The following FOCAD variants were observed in gnomAD, a reference collection of about 807,000 sequenced individuals.
The protein encoded by FOCAD is KIAA1797.
Under a neutral mutation model 225.6 loss-of-function variants are expected in FOCAD, and 198 were observed. That is an observed-to-expected ratio of 0.88 (90% CI 0.78 to 0.99). The LOEUF is 0.99. Ranked by LOEUF, FOCAD falls within the 50% of genes least tolerant of loss-of-function variation. FOCAD has a pLI of 0.00. For missense variants in FOCAD, 2,713 were observed against 2,123.6 expected, an observed-to-expected ratio of 1.28 and a Z score of -5.46; for synonymous variants, 897 against 755.0, an observed-to-expected ratio of 1.19 and a Z score of -3.08.
rs748992849 is a variant in FOCAD, at chr9:20,821,043, G to A, written c.1765G>A (p.Ala589Thr). ...VQWEKLIAKA[A>T]SIRDICKQRP... ...ATGGGAGAAACTGATTGCAAAAGCA[G>A]CATCAATCAGAGATATATGTAAGCA... The change falls in exon 14 of 44, where the codon GCA becomes ACA. Residue 589 changes from alanine (A) to threonine (T), a missense_variant. Coordinates refer to ENST00000338382, the MANE Select transcript of FOCAD (RefSeq NM_001375567.1). 5.0e-6 allele frequency: 8 copies of A among 1,612,560 alleles called. No homozygotes were observed. Among genetic ancestry groups the A allele is most frequent in the Middle Eastern group, 1.7e-4 (1 of 6,044 alleles).
In FOCAD at chr9:20,981,534, G is replaced by C. The variant is rs766049519; in HGVS notation, c.4486G>C (p.Ala1496Pro). 8 of 1,614,064 alleles carry C rather than the reference G, an allele frequency of 5.0e-6. 1 individual carries two copies. The South Asian group carries it at 7.7e-5, about 16-fold the overall frequency. The change falls in exon 38 of 44, where the codon GCA becomes CCA. Residue 1496 changes from alanine (A) to proline (P), a missense_variant. Physicochemically the swap from Ala to Pro is conservative, Grantham distance 27. Coordinates refer to ENST00000338382, the MANE Select transcript of FOCAD (RefSeq NM_001375567.1). ...AAATTTAATGGTGGCAGTTTTTAAA[G>C]CAGCTTCCCCACTTGGAAGTCCTGA... is the stretch of plus-strand genomic sequence containing the variant. ...VENLMVAVFKAASPLGSPELC... is the reference protein window; with the variant it reads ...VENLMVAVFKPASPLGSPELC...
At chr9:20,745,628 C>T (rs1459732256) in intron 5 of FOCAD, among the ~76,000 whole-genome samples, 1 of 152,080 alleles carries the variant, frequency 6.6e-6, no homozygotes, top group Non-Finnish European at 1.5e-5. Context: ...TCTCTCTTCC[C>T]TCAGCTAAAG....
chr9:20,881,433 G>A (rs1830658044), intron 19 of FOCAD, among the ~76,000 whole-genome samples: 1 of 152,158 alleles, frequency 6.6e-6, no homozygotes, highest in African/African-American at 2.4e-5. Flanking sequence ...AAGGTGTTAG[G>A]GACAGGAATG....
Position 20,770,149 on chromosome 9 carries a change from C to G in FOCAD, c.817C>G (p.Leu273Val). 6.2e-7 allele frequency: 1 copy of G among 1,614,038 alleles called. No homozygotes were observed. Among genetic ancestry groups the G allele is most frequent in the Admixed American group, 1.7e-5 (1 of 59,986 alleles). Residue 273 changes from leucine (L) to valine (V), a missense_variant, in exon 8 of 44, where the codon CTG becomes GTG. By Grantham distance (32) the Leu-to-Val change is conservative. Coordinates refer to ENST00000338382, the MANE Select transcript of FOCAD (RefSeq NM_001375567.1). ...IQLTQMSLQLLCVSEVSLKIT... is the reference protein window; with the variant it reads ...IQLTQMSLQLVCVSEVSLKIT... ...GCTTACCCAGATGAGTCTTCAGCTG[C>G]TGTGTGTCAGTGAAGTCAGCTTAAA... is the stretch of plus-strand genomic sequence containing the variant.
chr9:20,699,452 T>C (rs2131390659), intron 1 of FOCAD, among the ~76,000 whole-genome samples: 1 of 151,786 alleles, frequency 6.6e-6, no homozygotes, highest in East Asian at 1.9e-4. Context: ...AAAAAAATCA[T>C]GAAGAGCACC....
At chr9:20,914,600 A>G (rs1375748732) in intron 23 of FOCAD, among the ~76,000 whole-genome samples, 1 of 152,190 alleles carries the variant, frequency 6.6e-6, no homozygotes, top group Non-Finnish European at 1.5e-5. Flanking sequence ...CGAATTCATC[A>G]TAGGCCCTGG....
intron 15 of FOCAD, among the ~76,000 whole-genome samples, chr9:20,823,481 C>T (rs935997921): frequency 6.6e-6 from 1 of 151,936 alleles, no homozygotes; most frequent in South Asian, 2.1e-4. Context: ...AAGAAATTGT[C>T]GTTGGCCAGT....
intron 24 of FOCAD, among the ~76,000 whole-genome samples, chr9:20,921,497 T>C (rs1303969040): frequency 6.6e-6 from 1 of 152,170 alleles, no homozygotes; most frequent in Non-Finnish European, 1.5e-5. Context: ...CTCCTTGAAT[T>C]TGTTTCACTT....
chr9:20,951,914 T>C (rs1284846443), intron 34 of FOCAD, among the ~76,000 whole-genome samples: 1 of 152,198 alleles, frequency 6.6e-6, no homozygotes, highest in Non-Finnish European at 1.5e-5. Context: ...CACTGACAAG[T>C]AGTCTACAGA....
intron 16 of FOCAD, chr9:20,863,242 A>G (rs1299299714): frequency 1.3e-5 from 2 of 148,504 alleles, no homozygotes; most frequent in Non-Finnish European, 3.0e-5. Flanking sequence ...ATGCCTCTAC[A>G]TTTGTAAGCC....
At position 20,754,017 on chromosome 9, in the gene FOCAD, C is replaced by T. The variant is rs1041401377; in HGVS notation, c.393-4073C>T. 2.0e-5 allele frequency among the ~76,000 whole-genome samples: 3 copies of T among 152,158 alleles called. No homozygotes were observed. The East Asian group carries it at 5.8e-4, about 29-fold the overall frequency. On this transcript the variant is annotated intron_variant, in intron 5 of 43. Coordinates refer to ENST00000338382, the MANE Select transcript of FOCAD (RefSeq NM_001375567.1). ...AGGCATGACTCAGGTTGTGTTTTGG[C>T]GTTCTTTGTACCACATTCTTCCCTT...
chr9:20,848,180 A>G (rs79980070), intron 15 of FOCAD, among the ~76,000 whole-genome samples: 3 of 128,318 alleles, frequency 2.3e-5, no homozygotes, highest in Non-Finnish European at 5.1e-5. Context: ...AACAGTCTGT[A>G]TGCTTAGCTT....
At chr9:20,777,184 T>A (rs780262800) in intron 8 of FOCAD, among the ~76,000 whole-genome samples, 1 of 152,154 alleles carries the variant, frequency 6.6e-6, no homozygotes, top group Non-Finnish European at 1.5e-5. Context: ...GGGTATTTGT[T>A]AGTTTGATAG....
At chr9:20,780,141 A>G (rs974274044) in intron 9 of FOCAD, among the ~76,000 whole-genome samples, 5 of 152,176 alleles carry the variant, frequency 3.3e-5, no homozygotes, top group African/African-American at 7.2e-5. Flanking sequence ...AAATTTATAG[A>G]TTTGTGCAAC....
intron 20 of FOCAD, among the ~76,000 whole-genome samples, chr9:20,883,465 G>A (rs1009858232): frequency 6.6e-6 from 1 of 152,122 alleles, no homozygotes; most frequent in African/African-American, 2.4e-5. Flanking sequence ...TCTTTTAACT[G>A]TACATGGAAA....
intron 19 of FOCAD, among the ~76,000 whole-genome samples, chr9:20,879,309 G>C (rs906288109): frequency 1.3e-5 from 2 of 152,106 alleles, no homozygotes; most frequent in Non-Finnish European, 2.9e-5. Flanking sequence ...TAGGCTTTCA[G>C]GATTTCAACA....
intron 2 of FOCAD, among the ~76,000 whole-genome samples, chr9:20,674,686 C>T (rs1467350287): frequency 6.6e-6 from 1 of 152,200 alleles, no homozygotes; most frequent in African/African-American, 2.4e-5. Context: ...GCCATGTGTT[C>T]TTTGAATGTC....
intron 35 of FOCAD, 53 bp from the exon 36 acceptor site, chr9:20,976,367 C>T: frequency 1.3e-6 from 2 of 1,569,006 alleles, no homozygotes; most frequent in South Asian, 1.1e-5. Flanking sequence ...GCATTTTCCA[C>T]TTCCATGATA....
At chr9:20,853,021 G>A (rs1420034860) in intron 15 of FOCAD, among the ~76,000 whole-genome samples, 3 of 151,638 alleles carry the variant, frequency 2.0e-5, no homozygotes, top group African/African-American at 2.4e-5. Context: ...TATTGTGGGG[G>A]AATAAAGCAC....
Sources: gnomAD v4.1 joint callset for allele counts (sites outside exome capture counted in the v4.1 genomes callset) on GRCh38, gnomAD v4.1.1 for gene constraint, MANE v1.5 for transcripts, NCBI Gene and HGNC (gene_info 2026-07-23, HGNC 2026-07-21) for gene names.